The following CCSER1 variants were observed in gnomAD, a reference collection of about 807,000 sequenced individuals.
The protein encoded by CCSER1 is coiled-coil serine rich protein 1, also known as serine-rich coiled-coil domain-containing protein 1.
Under a neutral mutation model 82.0 loss-of-function variants are expected in CCSER1, and 41 were observed. That is an observed-to-expected ratio of 0.50 (90% CI 0.39 to 0.65). The LOEUF is 0.65. CCSER1 is among the 30% of genes least tolerant of loss of function. The pLI, the probability that CCSER1 is intolerant of heterozygous loss-of-function variation, is 0.00. For missense variants in CCSER1, 1,119 were observed against 1,064.2 expected (o/e 1.05, Z -0.72); for synonymous variants, 414 against 383.9 (o/e 1.08, Z -0.92).
intron 8 of CCSER1, among the ~76,000 whole-genome samples, chr4:90,852,143 A>G (rs1030296593): frequency 6.6e-6 from 1 of 152,236 alleles, no homozygotes; most frequent in South Asian, 2.1e-4. Context: ...GATATAAGGA[A>G]CAAACTTTAC....
intron 1 of CCSER1, among the ~76,000 whole-genome samples, chr4:90,229,457 G>A (rs1468710545): frequency 2.0e-5 from 3 of 152,218 alleles, no homozygotes; most frequent in Non-Finnish European, 4.4e-5. Context: ...CCCTAAAAGT[G>A]CTCCTGAAGG....
intron 1 of CCSER1, among the ~76,000 whole-genome samples, chr4:90,234,483 C>G (rs891994635): frequency 5.3e-5 from 8 of 152,154 alleles, no homozygotes; most frequent in Admixed American, 2.0e-4. Flanking sequence ...TCCCAAAGTG[C>G]TAGGATTACA....
At chr4:90,141,496 A>G (rs1040222471) in intron 1 of CCSER1, among the ~76,000 whole-genome samples, 4 of 152,218 alleles carry the variant, frequency 2.6e-5, no homozygotes, top group African/African-American at 9.6e-5. Flanking sequence ...AGCATTGGTT[A>G]GTTATTGGTA....
chr4:90,167,683 T>C (rs979739288), intron 1 of CCSER1, among the ~76,000 whole-genome samples: 17 of 151,972 alleles, frequency 1.1e-4, no homozygotes, highest in Admixed American at 2.0e-4. Flanking sequence ...GTCCATGTGT[T>C]CTCATTGTTC....
intron 4 of CCSER1, among the ~76,000 whole-genome samples, chr4:90,411,603 G>T (rs1156632821): frequency 2.0e-5 from 3 of 152,150 alleles, no homozygotes; most frequent in African/African-American, 4.8e-5. Flanking sequence ...AATAAATTAG[G>T]TATTGATGGG....
chr4:90,795,133 A>G (rs1709595022), intron 7 of CCSER1, among the ~76,000 whole-genome samples: 1 of 152,106 alleles, frequency 6.6e-6, no homozygotes, highest in Non-Finnish European at 1.5e-5. Context: ...TACTAAAAAT[A>G]CAACTTAGCT....
chr4:90,314,536 T>G (rs1735829054), intron 3 of CCSER1, among the ~76,000 whole-genome samples: 1 of 152,094 alleles, frequency 6.6e-6, no homozygotes, highest in African/African-American at 2.4e-5. Flanking sequence ...TGCATTTAAT[T>G]TAAATAATTC....
In CCSER1 at chr4:90,576,507, C is replaced by T. The variant is rs141645283; in HGVS notation, c.1725-51518C>T. 2.7e-3 allele frequency among the ~76,000 whole-genome samples: 409 copies of T among 152,224 alleles called. 1 individual carries two copies. Among genetic ancestry groups the T allele is most frequent in the Non-Finnish European group, 4.0e-3 (272 of 67,992 alleles). ...TAATTTCACTTCAACTATGAATCTT[C>T]TTTGTTCTACTTATTTATCCCTCCC... is the stretch of plus-strand genomic sequence containing the variant. On this transcript the variant is annotated intron_variant, in intron 5 of 10. Coordinates refer to ENST00000509176, the MANE Select transcript of CCSER1 (RefSeq NM_001145065.2).
chr4:91,179,677 G>C (rs931465684), intron 10 of CCSER1, among the ~76,000 whole-genome samples: 1 of 152,134 alleles, frequency 6.6e-6, no homozygotes, highest in African/African-American at 2.4e-5. Context: ...TCTTCTGTAT[G>C]CTTTTTATTC....
intron 3 of CCSER1, among the ~76,000 whole-genome samples, chr4:90,341,321 C>A (rs1050415094): frequency 7.2e-5 from 11 of 152,046 alleles, no homozygotes; most frequent in Non-Finnish European, 1.3e-4. Context: ...TGAAAAATAT[C>A]TCTTCTTGTA....
At chr4:90,710,018 T>G (rs1202424690) in intron 6 of CCSER1, among the ~76,000 whole-genome samples, 1 of 151,840 alleles carries the variant, frequency 6.6e-6, no homozygotes, top group East Asian at 1.9e-4. Flanking sequence ...GTGGTTTTGA[T>G]TTGCATTTCT....
At chr4:90,455,072 G>T (rs1453175405) in intron 4 of CCSER1, among the ~76,000 whole-genome samples, 4 of 152,176 alleles carry the variant, frequency 2.6e-5, no homozygotes, top group Non-Finnish European at 5.9e-5. Context: ...AGCCTTTTCT[G>T]AAATTGCCAC....
chr4:90,222,795 G>A (rs1364979189), intron 1 of CCSER1, among the ~76,000 whole-genome samples: 8 of 151,968 alleles, frequency 5.3e-5, no homozygotes, highest in Non-Finnish European at 8.8e-5. Flanking sequence ...AAAATTTATT[G>A]AGTAAATTAT....
chr4:90,129,515 T>C (rs1224454972), intron 1 of CCSER1, among the ~76,000 whole-genome samples: 1 of 152,240 alleles, frequency 6.6e-6, no homozygotes, highest in South Asian at 2.1e-4. Flanking sequence ...ATCCTTAATA[T>C]TGCAAACTGA....
chr4:90,350,896 A>G (rs1357998376), intron 3 of CCSER1, among the ~76,000 whole-genome samples: 2 of 152,190 alleles, frequency 1.3e-5, no homozygotes, highest in Non-Finnish European at 2.9e-5. Context: ...AATGGTTTTT[A>G]AAAAGAATTA....
intron 5 of CCSER1, among the ~76,000 whole-genome samples, chr4:90,593,312 G>T (rs1175372826): frequency 3.3e-5 from 5 of 152,176 alleles, no homozygotes; most frequent in African/African-American, 1.2e-4. Flanking sequence ...AGGGGGTACA[G>T]GTTCTTGACG....
intron 1 of CCSER1, among the ~76,000 whole-genome samples, chr4:90,208,014 A>G (rs931348908): frequency 6.6e-6 from 1 of 152,140 alleles, no homozygotes; most frequent in Admixed American, 6.5e-5. Context: ...CCCTTAGCAG[A>G]GCTTGAGCAC....
intron 4 of CCSER1, among the ~76,000 whole-genome samples, chr4:90,450,336 T>C (rs1761282930): frequency 6.6e-6 from 1 of 152,202 alleles, no homozygotes; most frequent in South Asian, 2.1e-4. Flanking sequence ...AACAATGTTG[T>C]CACTAGAGTC....
intron 4 of CCSER1, among the ~76,000 whole-genome samples, chr4:90,463,126 A>G (rs367715836): frequency 9.9e-5 from 15 of 152,186 alleles, no homozygotes; most frequent in Non-Finnish European, 1.5e-5. Flanking sequence ...TCTCAAGATG[A>G]TATTAGCTTT....
Sources: gnomAD v4.1 joint callset for allele counts (sites outside exome capture counted in the v4.1 genomes callset) on GRCh38, gnomAD v4.1.1 for gene constraint, MANE v1.5 for transcripts, NCBI Gene and HGNC (gene_info 2026-07-23, HGNC 2026-07-21) for gene names.